The following TRMT11 variants were observed in gnomAD, a reference collection of about 807,000 sequenced individuals.
The protein encoded by TRMT11 is tRNA methyltransferase 11.
A neutral mutation model predicts 62.8 loss-of-function variants in TRMT11; 53 were observed. The observed-to-expected ratio is 0.84, with a 90% CI of 0.68 to 1.06. TRMT11 has a LOEUF of 1.06. TRMT11 is among the 50% of genes least tolerant of loss of function. The pLI is 0.00. For missense variants in TRMT11, 556 were observed against 553.4 expected (o/e 1.00, Z -0.05); for synonymous variants, 188 against 190.3 (o/e 0.99, Z 0.10).
chr6:125,998,050 T>C lies in TRMT11; in HGVS notation c.213-3T>C, dbSNP rs1791867918. 6.2e-7 allele frequency: 1 copy of C among 1,604,140 alleles called. No individual in the cohort carries two copies. The highest frequency in any genetic ancestry group is 1.1e-5 in the South Asian group (1 of 90,864). On this transcript the variant is annotated splice_region_variant and splice_polypyrimidine_tract_variant and intron_variant, in intron 3 of 12. Transcript: ENST00000334379. ...AGGTTAGTACCAATCATTTATTTCC[T>C]AGGTCTATATTTGAACTATGGGGTC...
At chr6:126,097,258 C>T (rs1777351255) in intron 17 of TRMT11, among the ~76,000 whole-genome samples, 2 of 152,132 alleles carry the variant, frequency 1.3e-5, no homozygotes, top group Admixed American at 1.3e-4. Context: ...GGTAATCTTT[C>T]TGCCTCAGCC....
At chr6:126,189,565 G>A (rs1003540950) in intron 1 of TRMT11, among the ~76,000 whole-genome samples, 1 of 151,978 alleles carries the variant, frequency 6.6e-6, no homozygotes, top group Non-Finnish European at 1.5e-5. Context: ...CTTCCCTTAG[G>A]GTTAAGGAAA....
At chr6:126,093,608 TATATATATATATATA>T (rs1562321354) in intron 17 of TRMT11, among the ~76,000 whole-genome samples, 1 of 100,996 alleles carries the variant, frequency 9.9e-6, no homozygotes, top group South Asian at 2.8e-4. Flanking sequence ...TATATATATA[TATATATATATATATA>T]TATATATATT....
chr6:126,044,323 A>G (rs1775982252), intron 16 of TRMT11, among the ~76,000 whole-genome samples: 1 of 152,158 alleles, frequency 6.6e-6, no homozygotes, highest in South Asian at 2.1e-4. Context: ...TCCTTTCCCC[A>G]TTGCTTGTTT....
At chr6:126,237,379 T>G in the TRMT11 span, among the ~76,000 whole-genome samples, 1 of 152,112 alleles carries the variant, frequency 6.6e-6, no homozygotes, top group Non-Finnish European at 1.5e-5. Context: ...CAGATTATCT[T>G]AAATTTAAAA....
chr6:126,223,087 G>C, the TRMT11 span, among the ~76,000 whole-genome samples: 1 of 152,160 alleles, frequency 6.6e-6, no homozygotes, highest in African/African-American at 2.4e-5. Flanking sequence ...ACGAAGCCTA[G>C]TTTGGCTGGT....
At chr6:126,064,078 G>C (rs1021577274) in intron 17 of TRMT11, among the ~76,000 whole-genome samples, 1 of 152,162 alleles carries the variant, frequency 6.6e-6, no homozygotes, top group Non-Finnish European at 1.5e-5. Context: ...AGGAGCTAGA[G>C]GTTGGCAACC....
chr6:126,228,536 G>T, the TRMT11 span, among the ~76,000 whole-genome samples: 1 of 152,280 alleles, frequency 6.6e-6, no homozygotes, highest in Non-Finnish European at 1.5e-5. Flanking sequence ...TGTCACTTGT[G>T]ATCCTCCTCA....
intron 11 of TRMT11, among the ~76,000 whole-genome samples, chr6:126,015,943 C>A (rs898240539): frequency 3.2e-4 from 48 of 152,174 alleles, no homozygotes; most frequent in Admixed American, 2.8e-3. Context: ...TGCAGCACAT[C>A]ATATGGCACA....
intron 2 of TRMT11, among the ~76,000 whole-genome samples, chr6:126,199,253 T>C (rs1778707999): frequency 1.3e-5 from 2 of 152,206 alleles, no homozygotes; most frequent in Admixed American, 1.3e-4. Context: ...ACCTGCTTTA[T>C]ACAAAAACCA....
chr6:126,268,104 A>G, the TRMT11 span, among the ~76,000 whole-genome samples: 1 of 152,204 alleles, frequency 6.6e-6, no homozygotes, highest in Non-Finnish European at 1.5e-5. Context: ...CAAGGAGGCT[A>G]AAGTTCTTCC....
At chr6:126,148,751 GA>G (rs1479467280) in intron 21 of TRMT11, among the ~76,000 whole-genome samples, 4 of 152,088 alleles carry the variant, frequency 2.6e-5, no homozygotes, top group African/African-American at 9.7e-5. Flanking sequence ...AGATTAGATT[GA>G]TAATAGTGAA....
At chr6:126,249,267 A>G in the TRMT11 span, among the ~76,000 whole-genome samples, 1 of 152,120 alleles carries the variant, frequency 6.6e-6, no homozygotes, top group African/African-American at 2.4e-5. Context: ...CCTTAATGAC[A>G]AGGTGAACCC....
At chr6:126,245,183 A>G in the TRMT11 span, among the ~76,000 whole-genome samples, 1 of 152,360 alleles carries the variant, frequency 6.6e-6, no homozygotes, top group Non-Finnish European at 1.5e-5. Flanking sequence ...TATGAAGACA[A>G]ATTGGGTGGA....
At chr6:126,263,259 T>A in the TRMT11 span, among the ~76,000 whole-genome samples, 3 of 152,218 alleles carry the variant, frequency 2.0e-5, no homozygotes, top group African/African-American at 7.2e-5. Flanking sequence ...ACATGCTAAT[T>A]ATTTTGGGGG....
intron 12 of TRMT11, among the ~76,000 whole-genome samples, chr6:126,028,321 A>C (rs1444495014): frequency 6.6e-6 from 1 of 152,180 alleles, no homozygotes; most frequent in East Asian, 1.9e-4. Context: ...GGTGACACTA[A>C]AGACGTATTG....
intron 1 of TRMT11, among the ~76,000 whole-genome samples, chr6:125,989,934 T>C (rs1471857581): frequency 1.3e-5 from 2 of 152,210 alleles, no homozygotes; most frequent in Non-Finnish European, 2.9e-5. Flanking sequence ...GTCTTTCCCA[T>C]TCTTTATTGA....
intron 11 of TRMT11, among the ~76,000 whole-genome samples, chr6:126,018,076 T>G (rs1795245377): frequency 1.3e-5 from 2 of 152,190 alleles, no homozygotes; most frequent in East Asian, 1.9e-4. Context: ...AGTGATAACA[T>G]GATGACATAC....
chr6:126,008,703 C>G (rs757710315), intron 8 of TRMT11: 2 of 678,444 alleles, frequency 2.9e-6, no homozygotes, highest in South Asian at 3.0e-5. Context: ...TATGATGATC[C>G]ACTTCCACTT....
Sources: allele counts gnomAD v4.1 joint callset (sites outside exome capture counted in the v4.1 genomes callset), GRCh38; gene constraint gnomAD v4.1.1; transcripts MANE v1.5; gene names NCBI Gene and HGNC (gene_info 2026-07-23, HGNC 2026-07-21).